KANK1: variants seen among roughly 807,000 people sequenced by gnomAD.
KANK1 encodes KN motif and ankyrin repeat domains 1.
A neutral mutation model predicts 106.2 loss-of-function variants in KANK1; 109 were observed. The observed-to-expected ratio is 1.03, with a 90% confidence interval of 0.88 to 1.20. The LOEUF (loss-of-function observed/expected upper bound fraction) is 1.20, where lower values mean the gene tolerates loss of function less well. Among genes scored for constraint, KANK1 ranks in the 50% most tolerant of loss-of-function variants. The pLI is 0.00. For synonymous variants in KANK1, 873 were observed against 652.2 expected (o/e 1.34, Z -5.16); for missense variants, 2,399 against 1,710.7 (o/e 1.40, Z -7.10).
chr9:674,262 C>G (rs908424366), intron 1 of KANK1: 2 of 152,024 alleles, frequency 1.3e-5, no homozygotes. Context: ...GTGTCACCAG[C>G]CAGAAACTAA....
chr9:524,181 T>A lies in KANK1; in HGVS notation c.-84+19427T>A, dbSNP rs913366565. Among the ~76,000 whole-genome samples, 6 of 151,818 alleles carry A rather than the reference T, an allele frequency of 4.0e-5. 1 individual carries two copies. Among genetic ancestry groups the A allele is most frequent in the African/African-American group, 1.5e-4 (6 of 41,086 alleles). On this transcript the variant is annotated intron_variant, in intron 1 of 11. Transcript: ENST00000382297. ...CTTTGGCTACCAGGATGCCAGGAAC[T>A]AAGTGTCATGCTCAGTTGTGAAAGT...
chr9:572,958 A>G (rs1819591692), intron 1 of KANK1, among the ~76,000 whole-genome samples: 1 of 152,200 alleles, frequency 6.6e-6, no homozygotes, highest in Admixed American at 6.5e-5. Flanking sequence ...ATCACAATGT[A>G]TGTCCTAATA....
intron 8 of KANK1, among the ~76,000 whole-genome samples, chr9:739,713 C>A (rs1834835873): frequency 6.6e-6 from 1 of 152,146 alleles, no homozygotes; most frequent in African/African-American, 2.4e-5. Context: ...AACATCTTGG[C>A]AAATTAAATA....
chr9:667,994 G>A (rs1452964924), intron 1 of KANK1, among the ~76,000 whole-genome samples: 1 of 152,058 alleles, frequency 6.6e-6, no homozygotes, highest in Non-Finnish European at 1.5e-5. Flanking sequence ...GCCTCCCAAA[G>A]TACTGGGATT....
intron 1 of KANK1, among the ~76,000 whole-genome samples, chr9:640,532 G>A (rs894688268): frequency 1.1e-4 from 17 of 151,814 alleles, no homozygotes; most frequent in African/African-American, 4.1e-4. Flanking sequence ...TGAGTAGCTG[G>A]GATTACAGGC....
chr9:672,580 A>T (rs1815428676), intron 1 of KANK1, among the ~76,000 whole-genome samples: 1 of 152,210 alleles, frequency 6.6e-6, no homozygotes, highest in African/African-American at 2.4e-5. Context: ...CTTGTTTCTA[A>T]CTGAGATAGT....
At chr9:556,377 G>C (rs1425534014) in intron 1 of KANK1, among the ~76,000 whole-genome samples, 1 of 152,192 alleles carries the variant, frequency 6.6e-6, no homozygotes, top group Non-Finnish European at 1.5e-5. Flanking sequence ...CTTGGTTTCT[G>C]AGTTGTGCTC....
At chr9:524,584 C>G (rs972009250) in intron 1 of KANK1, among the ~76,000 whole-genome samples, 3 of 151,614 alleles carry the variant, frequency 2.0e-5, no homozygotes, top group African/African-American at 7.3e-5. Context: ...GTGCTGCGAT[C>G]TCAGCTCACT....
At chr9:554,499 A>T (rs574943069) in intron 1 of KANK1, among the ~76,000 whole-genome samples, 31 of 152,318 alleles carry the variant, frequency 2.0e-4, no homozygotes, top group Admixed American at 6.5e-4. Flanking sequence ...TGCTTATTTA[A>T]TTTTACATAA....
At chr9:561,658 A>G (rs1816472695) in intron 1 of KANK1, among the ~76,000 whole-genome samples, 1 of 152,236 alleles carries the variant, frequency 6.6e-6, no homozygotes, top group African/African-American at 2.4e-5. Flanking sequence ...AAGTCAGATT[A>G]CCCCAAATTA....
At position 718,343 on chromosome 9, in the gene KANK1, C is replaced by T. The variant is rs529290471; in HGVS notation, c.2698+4879C>T. On this transcript the variant is annotated intron_variant, in intron 3 of 11. Coordinates refer to ENST00000382297, the MANE Select transcript of KANK1 (RefSeq NM_015158.5). ...TTTTTTTACTCTTAAGACAGGGTCT[C>T]ACTCTGTCACCCAGGCTAGAGTGCA... Among the ~76,000 whole-genome samples, 3 of 127,822 alleles carry T rather than the reference C, an allele frequency of 2.3e-5. No homozygotes were observed. The South Asian group carries it at 8.6e-4, about 37-fold the overall frequency. 83.9% of individuals were successfully genotyped at this position (127,822 alleles called of 152,430 possible). A position where few individuals can be genotyped will look rare whatever the true frequency, so the allele number is the denominator to read the frequency against.
intron 2 of KANK1, among the ~76,000 whole-genome samples, chr9:700,815 A>C (rs1384257529): frequency 6.6e-6 from 1 of 152,180 alleles, no homozygotes; most frequent in Non-Finnish European, 1.5e-5. Flanking sequence ...GGGTGTAATT[A>C]TTTTTCACAG....
At chr9:619,190 G>A (rs1832572200) in intron 1 of KANK1, among the ~76,000 whole-genome samples, 2 of 152,152 alleles carry the variant, frequency 1.3e-5, no homozygotes, top group Admixed American at 1.3e-4. Flanking sequence ...AAGGAACAGG[G>A]GAGAGCTACA....
At chr9:736,388 A>T (rs1833813134) in intron 7 of KANK1, among the ~76,000 whole-genome samples, 1 of 152,172 alleles carries the variant, frequency 6.6e-6, no homozygotes, top group South Asian at 2.1e-4. Flanking sequence ...GTAGATACAG[A>T]GGGCCAGCTG....
rs1336024410 is a variant in KANK1, at chr9:589,252, T to TG, written c.-84+84500dup. 2.0e-5 allele frequency among the ~76,000 whole-genome samples: 3 copies of TG among 151,912 alleles called. No homozygotes were observed. The East Asian group carries it at 5.8e-4, about 29-fold the overall frequency. Reference sequence around the variant, plus strand: ...CATCTTACAGAGGAGGAAATTGACTTGGAGGATTAAGTGGCTTGCTCACTG... The same window carrying TG: ...CATCTTACAGAGGAGGAAATTGACTTGGGAGGATTAAGTGGCTTGCTCACTG... On this transcript the variant is annotated intron_variant, in intron 1 of 11. Transcript: ENST00000382297.
chr9:614,218 A>G (rs1831249599), intron 1 of KANK1, among the ~76,000 whole-genome samples: 1 of 152,180 alleles, frequency 6.6e-6, no homozygotes, highest in Non-Finnish European at 1.5e-5. Flanking sequence ...TTGATAAGGT[A>G]CAAAAGTGTG....
chr9:554,586 GAACT>G (rs1381233734), intron 1 of KANK1, among the ~76,000 whole-genome samples: 2 of 152,118 alleles, frequency 1.3e-5, no homozygotes, highest in Non-Finnish European at 1.5e-5. Flanking sequence ...TTTCTAAACA[GAACT>G]AACATCACAA....
chr9:698,723 A>AT (rs1037501291), intron 2 of KANK1, among the ~76,000 whole-genome samples: 4 of 152,204 alleles, frequency 2.6e-5, no homozygotes, highest in Non-Finnish European at 5.9e-5. Context: ...TTACCATCTA[A>AT]TTGGGTAGGT....
chr9:617,062 TA>T (rs1832014420), intron 1 of KANK1, among the ~76,000 whole-genome samples: 1 of 152,170 alleles, frequency 6.6e-6, no homozygotes, highest in South Asian at 2.1e-4. Flanking sequence ...TAAGAGAGAA[TA>T]ATTTTTTTTT....
Sources: allele counts gnomAD v4.1 joint callset (sites outside exome capture counted in the v4.1 genomes callset), GRCh38; gene constraint gnomAD v4.1.1; transcripts MANE v1.5; gene names NCBI Gene and HGNC (gene_info 2026-07-23, HGNC 2026-07-21).